CARD8: variants seen among roughly 807,000 people sequenced by gnomAD.
CARD8 encodes the protein caspase recruitment domain family member 8.
CARD8 carries 38 observed loss-of-function variants against 53.2 expected under a neutral mutation model. The ratio of observed to expected loss-of-function variants is 0.71; its 90% CI spans 0.55 to 0.94. The LOEUF is 0.94. Among genes scored for constraint, CARD8 ranks in the 40% least tolerant of loss-of-function variants. The pLI is 0.00. For missense variants in CARD8, 561 were observed against 655.5 expected, an observed-to-expected ratio of 0.86 and a Z score of 1.57; for synonymous variants, 245 against 244.9, an observed-to-expected ratio of 1.00 and a Z score of 0.00.
At chr19:48,203,893 A>T (rs1193975746), downstream of CARD8, 3 of 287,660 alleles carry the variant, frequency 1.0e-5, no homozygotes, top group Non-Finnish European at 2.1e-5. Flanking sequence ...TGTAGCAGCC[A>T]GAAAGCTACA....
intron 7 of CARD8, chr19:48,232,235 G>C: frequency 1.7e-6 from 1 of 604,376 alleles, no homozygotes; most frequent in Admixed American, 2.9e-5. Context: ...GCTGTCCCCA[G>C]CCACCAGGAC....
intron 1 of CARD8, among the ~76,000 whole-genome samples, chr19:48,253,116 G>A (rs1472495129): frequency 6.6e-6 from 1 of 152,128 alleles, no homozygotes; most frequent in East Asian, 1.9e-4. Flanking sequence ...AATGTTTGTG[G>A]TACAGGAAAA....
Position 48,230,798 on chromosome 19 carries a change from G to A in CARD8, c.751C>T (p.Pro251Ser), listed in dbSNP as rs2042721237. Residue 251 changes from proline (P) to serine (S), a missense_variant, in exon 9 of 14, where the codon CCC becomes TCC. Transcript: ENST00000651546. ...PEEAVAEIHL[P>S]HFISLQAGEV... ...TTACCTTGGAGGGAGATGAAGTGGG[G>A]GAGGTGGATTTCGGCGACAGCCTCC... 6.2e-7 allele frequency: 1 copy of A among 1,613,930 alleles called. No homozygotes were observed. Among genetic ancestry groups the A allele is most frequent in the African/African-American group, 1.3e-5 (1 of 74,920 alleles).
chr19:48,252,808 T>TATATATATATACACAC (rs113740488), intron 1 of CARD8, among the ~76,000 whole-genome samples: 8 of 148,182 alleles, frequency 5.4e-5, no homozygotes, highest in African/African-American at 2.0e-4. Flanking sequence ...TATCAGTATA[T>TATATATATATACACAC]ACACACACAC....
At chr19:48,208,029 T>A (rs1215406170), downstream of CARD8, 1 of 135,700 alleles carries the variant, frequency 7.4e-6, no homozygotes, top group Non-Finnish European at 1.7e-5. Context: ...AGCCACTGCA[T>A]CCGGCCTTCT....
chr19:48,229,423 T>C (rs531526643), intron 10 of CARD8, among the ~76,000 whole-genome samples: 1 of 152,370 alleles, frequency 6.6e-6, no homozygotes, highest in East Asian at 1.9e-4. Flanking sequence ...TATGTATTTC[T>C]GGCCCACTCT....
chr19:48,205,765 A>G (rs4802441), downstream of CARD8, among the ~76,000 whole-genome samples: 76,714 of 151,962 alleles, frequency 0.5, 19,671 homozygotes, highest in Admixed American at 0.56. Flanking sequence ...CAGCTGCCAT[A>G]TCACATGTAA....
chr19:48,237,860 G>A (rs778999538), intron 5 of CARD8, among the ~76,000 whole-genome samples: 1 of 151,760 alleles, frequency 6.6e-6, no homozygotes, highest in Admixed American at 6.6e-5. Flanking sequence ...TGGGAACTCT[G>A]CCCTTCTCTC....
intron 11 of CARD8, among the ~76,000 whole-genome samples, chr19:48,219,732 A>G (rs746777359): frequency 1.3e-5 from 2 of 152,080 alleles, no homozygotes; most frequent in African/African-American, 2.4e-5. Context: ...GCACTTTGGG[A>G]GACTGAGGTG....
chr19:48,233,133 G>C, intron 6 of CARD8: 1 of 354,084 alleles, frequency 2.8e-6, no homozygotes, highest in East Asian at 7.5e-5. Context: ...CAGAAGTCTG[G>C]AGGTGGCACC....
chr19:48,213,270 GAC>G (rs2038402495), intron 13 of CARD8: 1 of 152,106 alleles, frequency 6.6e-6, no homozygotes, highest in South Asian at 2.1e-4. Context: ...AATTAACGTG[GAC>G]ATGAAGTCAT....
intron 1 of CARD8, among the ~76,000 whole-genome samples, chr19:48,253,889 T>C (rs546806606): frequency 6.6e-6 from 1 of 152,284 alleles, no homozygotes; most frequent in African/African-American, 2.4e-5. Flanking sequence ...TCAGTAAAGA[T>C]ATAAAAAATT....
chr19:48,238,092 T>G (rs142954792), intron 5 of CARD8, among the ~76,000 whole-genome samples: 2 of 151,954 alleles, frequency 1.3e-5, no homozygotes, highest in African/African-American at 4.8e-5. Flanking sequence ...GGTTTCACCA[T>G]GTAGGCCAGG....
intron 4 of CARD8, among the ~76,000 whole-genome samples, chr19:48,239,080 C>T (rs1275900636): frequency 6.6e-6 from 1 of 152,206 alleles, no homozygotes; most frequent in African/African-American, 2.4e-5. Flanking sequence ...TTCTATCCTT[C>T]GTTGGTCCTA....
At chr19:48,221,904 C>A in intron 10 of CARD8, 49 bp from the exon 11 acceptor site, 1 of 1,498,656 alleles carries the variant, frequency 6.7e-7, no homozygotes, top group South Asian at 1.3e-5. Context: ...AATAGTAAAG[C>A]AAGTAGTGGC....
At chr19:48,235,514 G>A (rs984323302) in intron 5 of CARD8, among the ~76,000 whole-genome samples, 1 of 152,062 alleles carries the variant, frequency 6.6e-6, no homozygotes, top group Non-Finnish European at 1.5e-5. Context: ...GAATTTTTCT[G>A]GGTAATGGAC....
intron 12 of CARD8, among the ~76,000 whole-genome samples, chr19:48,216,485 T>C (rs1032923538): frequency 1.3e-5 from 2 of 152,176 alleles, no homozygotes; most frequent in African/African-American, 4.8e-5. Context: ...CATGAGATGC[T>C]ACTCATGTGG....
chr19:48,251,434 T>G (rs748317853), intron 1 of CARD8, among the ~76,000 whole-genome samples: 1 of 152,212 alleles, frequency 6.6e-6, no homozygotes, highest in Non-Finnish European at 1.5e-5. Context: ...CATATCAGCC[T>G]TGAGGTTTGT....
intron 3 of CARD8, among the ~76,000 whole-genome samples, chr19:48,246,589 T>C (rs1341071702): frequency 1.3e-5 from 2 of 151,242 alleles, no homozygotes; most frequent in African/African-American, 4.9e-5. Context: ...CAAAGAGCTA[T>C]TCTGATACAT....
Sources: allele counts gnomAD v4.1 joint callset (sites outside exome capture counted in the v4.1 genomes callset), GRCh38; gene constraint gnomAD v4.1.1; transcripts MANE v1.5; gene names NCBI Gene and HGNC (gene_info 2026-07-23, HGNC 2026-07-21).